The following KLF17 variants were observed in gnomAD, a reference collection of about 807,000 sequenced individuals.
The protein encoded by KLF17 is Krueppel-like factor 17.
In KLF17, 31 loss-of-function variants were observed where a neutral mutation model predicts 34.2. That is an observed-to-expected ratio of 0.91 (90% CI 0.68 to 1.22). The LOEUF is 1.22. KLF17 is among the 50% of genes most tolerant of loss of function. The probability of loss-of-function intolerance (pLI) is 0.00; values close to 1 mark genes in which losing one functional copy is unlikely to be tolerated. For missense variants in KLF17, 478 were observed against 505.2 expected (o/e 0.95, Z 0.52); for synonymous variants, 179 against 186.7 (o/e 0.96, Z 0.34).
chr1:44,110,656 T>A, the KLF17 span: 1 of 152,084 alleles, frequency 6.6e-6, no homozygotes, highest in Non-Finnish European at 1.5e-5. Context: ...ATCACGCCAT[T>A]GCACTCCAGC....
upstream of KLF17, among the ~76,000 whole-genome samples, chr1:44,117,860 C>A (rs1038642915): frequency 1.3e-5 from 2 of 152,126 alleles, no homozygotes; most frequent in Admixed American, 6.5e-5. Flanking sequence ...CCATAAGGAG[C>A]CAAATGGTTT....
chr1:44,130,729 G>C lies in KLF17; in HGVS notation c.1143G>C (p.Gln381His). Residue 381 changes from glutamine (Q) to histidine (H), a missense_variant, in exon 3 of 4, where the codon CAG (glutamine) becomes CAC (histidine). Coordinates refer to ENST00000372299, the MANE Select transcript of KLF17 (RefSeq NM_173484.4). The part of the protein sequence containing the change: ...DPQANNNNGE[Q>H]DSPPAAGP ...AGGCCAACAACAACAATGGAGAGCA[G>C]GACAGTCCTCCTGCTGCTGGTCCTT... 6.2e-7 allele frequency: 1 copy of C among 1,614,118 alleles called. No individual in the cohort carries two copies. Among genetic ancestry groups the C allele is most frequent in the Non-Finnish European group, 8.5e-7 (1 of 1,180,000 alleles).
chr1:44,129,878 G>A lies in KLF17; in HGVS notation c.607G>A (p.Ala203Thr). ...GACTGTGCCTTCCACTGAGGCCCAG[G>A]CAGTGCTCCCCTCCATGGCTCAGAT... The part of the protein sequence containing the change: ...GPTVPSTEAQ[A>T]VLPSMAQMLP... Residue 203 changes from alanine (A) to threonine (T), a missense_variant, in exon 2 of 4, where the codon GCA (alanine) becomes ACA (threonine). By Grantham distance (58) the Ala-to-Thr change is moderately conservative. Coordinates refer to ENST00000372299, the MANE Select transcript of KLF17 (RefSeq NM_173484.4). 1.2e-6 allele frequency: 2 copies of A among 1,614,212 alleles called. No homozygotes were observed. Among genetic ancestry groups the A allele is most frequent in the Non-Finnish European group, 1.7e-6 (2 of 1,180,042 alleles).
At chr1:44,103,722 T>C in the KLF17 span, 1 of 1,483,252 alleles carries the variant, frequency 6.7e-7, no homozygotes, top group African/African-American at 1.4e-5. Context: ...CTCGGACAGC[T>C]TGGCGTTGGC....
the KLF17 span, among the ~76,000 whole-genome samples, chr1:44,061,671 G>A: frequency 2.9e-4 from 44 of 152,108 alleles, no homozygotes; most frequent in Non-Finnish European, 4.4e-5. Context: ...TAATTCCAGC[G>A]CTTTGGGATT....
chr1:44,109,918 T>TG, the KLF17 span, among the ~76,000 whole-genome samples: 1 of 146,368 alleles, frequency 6.8e-6, no homozygotes, highest in Non-Finnish European at 1.5e-5. Context: ...TTTTTTTTTT[T>TG]TGCGGGGGGG....
the KLF17 span, among the ~76,000 whole-genome samples, chr1:44,107,443 T>G: frequency 3.9e-5 from 6 of 152,322 alleles, no homozygotes; most frequent in Admixed American, 3.9e-4. Flanking sequence ...CCTCCTCCTG[T>G]ATCTGCGGTT....
upstream of KLF17, chr1:44,115,574 T>G (rs752922135): frequency 6.6e-6 from 1 of 151,636 alleles, no homozygotes; most frequent in Non-Finnish European, 1.5e-5. Context: ...ACATGAAATA[T>G]GTTACTGAAT....
the KLF17 span, among the ~76,000 whole-genome samples, chr1:44,074,644 C>T: frequency 7.2e-5 from 11 of 152,304 alleles, no homozygotes; most frequent in South Asian, 1.2e-3. Flanking sequence ...GCATATTTCA[C>T]GAACCAGCAC....
chr1:44,129,194 G>T (rs947871677), intron 1 of KLF17, among the ~76,000 whole-genome samples, 159 bp from the exon 2 acceptor site: 4 of 152,010 alleles, frequency 2.6e-5, no homozygotes, highest in African/African-American at 7.2e-5. Flanking sequence ...CAGCCAGACC[G>T]CATGTTAGAA....
the KLF17 span, among the ~76,000 whole-genome samples, chr1:44,062,769 G>A: frequency 2.6e-5 from 4 of 151,346 alleles, no homozygotes; most frequent in African/African-American, 9.7e-5. Context: ...GAAAAAACGA[G>A]GAACCTCTTA....
chr1:44,071,069 A>G, the KLF17 span, among the ~76,000 whole-genome samples: 3 of 152,150 alleles, frequency 2.0e-5, no homozygotes, highest in Non-Finnish European at 4.4e-5. Context: ...TTCAGACACC[A>G]TCATGTCCTA....
the KLF17 span, among the ~76,000 whole-genome samples, chr1:44,069,469 CGAGAGAGAGAGAGAGAGAGA>C: frequency 3.1e-5 from 4 of 127,184 alleles, no homozygotes; most frequent in East Asian, 2.4e-4. The surrounding 1 kb of genome is among the most constrained non-coding windows in gnomAD (Gnocchi z 4.7). Context: ...TGTTACATGG[CGAGAGAGAGAGAGAGAGAGA>C]GAGAGAGAGA....
intron 1 of KLF17, among the ~76,000 whole-genome samples, chr1:44,122,755 G>A (rs942967891): frequency 1.8e-4 from 28 of 151,982 alleles, no homozygotes; most frequent in East Asian, 1.5e-3. Context: ...GCACCACCAC[G>A]CCCGGCTACT....
the KLF17 span, among the ~76,000 whole-genome samples, chr1:44,093,173 G>A: frequency 1.8e-4 from 27 of 152,298 alleles, no homozygotes; most frequent in Admixed American, 1.7e-3. Flanking sequence ...AAAGTGTTGG[G>A]AAGAAAGACT....
chr1:44,131,097 A>T (rs1363225742), intron 3 of KLF17, among the ~76,000 whole-genome samples: 1 of 152,172 alleles, frequency 6.6e-6, no homozygotes, highest in Non-Finnish European at 1.5e-5. Context: ...AGCCGGCCTC[A>T]TTCTGGCTTT....
the KLF17 span, among the ~76,000 whole-genome samples, chr1:44,060,656 C>T: frequency 6.6e-6 from 1 of 152,136 alleles, no homozygotes; most frequent in Non-Finnish European, 1.5e-5. Flanking sequence ...TGCTTACCTA[C>T]TCAACCCTAG....
the KLF17 span, chr1:44,103,671 C>T: frequency 4.3e-6 from 7 of 1,609,952 alleles, no homozygotes; most frequent in South Asian, 2.2e-5. Context: ...ACGCAGCTGC[C>T]GCGCCATGTC....
chr1:44,115,441 A>G (rs2087870255), upstream of KLF17: 1 of 116,520 alleles, frequency 8.6e-6, no homozygotes, highest in South Asian at 3.2e-4. Flanking sequence ...ATGGAGCGAG[A>G]CTCTGTGTCA....
Sources: gnomAD v4.1 joint callset for allele counts (sites outside exome capture counted in the v4.1 genomes callset) on GRCh38, gnomAD v4.1.1 for gene constraint, Gnocchi (gnomAD v3.1) non-coding constraint, MANE v1.5 for transcripts, NCBI Gene and HGNC (gene_info 2026-07-23, HGNC 2026-07-21) for gene names.